The following CLVS2 variants were observed in gnomAD, a reference collection of about 807,000 sequenced individuals.
CLVS2 encodes clavesin-2.
CLVS2 carries 19 observed loss-of-function variants against 29.0 expected under a neutral mutation model. The observed-to-expected ratio is 0.66, with a 90% confidence interval of 0.46 to 0.96. The LOEUF (loss-of-function observed/expected upper bound fraction) is 0.96, where lower values mean the gene tolerates loss of function less well. Ranked by LOEUF, CLVS2 falls within the 40% of genes least tolerant of loss-of-function variation. The pLI is 0.00. For synonymous variants in CLVS2, 161 were observed against 151.3 expected (o/e 1.06, Z -0.47); for missense variants, 294 against 404.1 (o/e 0.73, Z 2.34).
At chr6:123,019,671 C>T (rs905769571) in intron 3 of CLVS2, among the ~76,000 whole-genome samples, 5 of 152,006 alleles carry the variant, frequency 3.3e-5, no homozygotes, top group African/African-American at 1.2e-4. Flanking sequence ...ATTCTGAAGA[C>T]TCTCTCCAGG....
Position 123,059,135 on chromosome 6 carries a change from C to T in CLVS2, c.896+3109C>T, listed in dbSNP as rs118135932. ...AGTCTTCTCTTTTTGCCCTTGTCAC[C>T]GCCACCTGGAATGTTCTTTTCCTTC... On this transcript the variant is annotated intron_variant, in intron 5 of 5. Transcript: ENST00000275162. Among the ~76,000 whole-genome samples the T allele has an allele frequency of 4.0e-3, 615 of 152,176 alleles. 2 individuals are homozygous for T. Among genetic ancestry groups the T allele is most frequent in the Non-Finnish European group, 6.7e-3 (456 of 68,000 alleles).
chr6:123,021,609 G>A (rs1449699523), intron 3 of CLVS2, among the ~76,000 whole-genome samples: 6 of 152,024 alleles, frequency 3.9e-5, no homozygotes, highest in Non-Finnish European at 7.4e-5. Flanking sequence ...GCAGTTGTAA[G>A]TAATAATGCA....
chr6:123,004,675 G>A (rs1329849262), intron 2 of CLVS2, among the ~76,000 whole-genome samples: 1 of 152,198 alleles, frequency 6.6e-6, no homozygotes, highest in East Asian at 1.9e-4. Context: ...CACTTTGGGA[G>A]GCCAAGGCGT....
intron 3 of CLVS2, among the ~76,000 whole-genome samples, chr6:123,017,598 T>C (rs1308992302): frequency 1.3e-5 from 2 of 152,132 alleles, no homozygotes; most frequent in African/African-American, 2.4e-5. Flanking sequence ...AACCCTAAAG[T>C]TGCTTTATTT....
Position 123,064,991 on chromosome 6 carries a change from A to T in CLVS2, c.*1230A>T, listed in dbSNP as rs1407529982. The T allele has an allele frequency of 2.0e-5, 3 of 151,830 alleles. No homozygotes were observed. Among genetic ancestry groups the T allele is most frequent in the Admixed American group, 2.0e-4 (3 of 15,202 alleles). 9.4% of individuals were successfully genotyped at this position (151,830 alleles called of 1,614,324 possible). ...GGTAGCATCAGGTGACAGAAAGCCA[A>T]TTTTATTTTCAAATTTAAGTTAATT... On this transcript the variant is annotated 3_prime_UTR_variant, in exon 6 of 6. Transcript: ENST00000275162.
intron 4 of CLVS2, 72 bp from the exon 5 acceptor site, chr6:123,055,734 C>T (rs1213514606): frequency 2.8e-6 from 3 of 1,069,704 alleles, no homozygotes; most frequent in South Asian, 2.6e-5. Flanking sequence ...CCTCACATCC[C>T]CCCTGTAGGA....
chr6:123,057,546 A>G (rs1420751184), intron 5 of CLVS2, among the ~76,000 whole-genome samples: 1 of 151,768 alleles, frequency 6.6e-6, no homozygotes, highest in Non-Finnish European at 1.5e-5. Context: ...GGGTTTCACC[A>G]TCTTGTCCAG....
intron 2 of CLVS2, among the ~76,000 whole-genome samples, chr6:123,002,870 T>A (rs1774611022): frequency 6.6e-6 from 1 of 152,202 alleles, no homozygotes; most frequent in South Asian, 2.1e-4. Flanking sequence ...GGCTTTGCCA[T>A]CTTTTGGGTG....
At chr6:123,019,544 T>C (rs1439968705) in intron 3 of CLVS2, among the ~76,000 whole-genome samples, 2 of 152,032 alleles carry the variant, frequency 1.3e-5, no homozygotes, top group Non-Finnish European at 2.9e-5. Flanking sequence ...CTATAACAAA[T>C]GCAATACACC....
chr6:123,014,529 A>G (rs1225124529), intron 3 of CLVS2, among the ~76,000 whole-genome samples: 1 of 152,108 alleles, frequency 6.6e-6, no homozygotes, highest in Non-Finnish European at 1.5e-5. Flanking sequence ...CAACCCTGCC[A>G]TGCATCAAAT....
At chr6:123,007,828 T>G (rs1459912864) in intron 2 of CLVS2, among the ~76,000 whole-genome samples, 1 of 152,178 alleles carries the variant, frequency 6.6e-6, no homozygotes, top group East Asian at 1.9e-4. Flanking sequence ...TAGCTTTCTT[T>G]CAGCATACAA....
chr6:123,036,706 T>G (rs1775159306), intron 3 of CLVS2, among the ~76,000 whole-genome samples: 1 of 152,322 alleles, frequency 6.6e-6, no homozygotes. Flanking sequence ...AGGGGCTGCC[T>G]ACATGCTGAG....
intron 3 of CLVS2, among the ~76,000 whole-genome samples, chr6:123,038,311 C>A (rs1775182698): frequency 6.6e-6 from 1 of 152,126 alleles, no homozygotes; most frequent in African/African-American, 2.4e-5. Flanking sequence ...TTATTCTCTA[C>A]CAGAATATAA....
rs1418483109 is a variant in CLVS2 at position 123,065,285 on chromosome 6, G to A, written c.*1524G>A. ...TTGAGATTGAGAGTTTACCATTAAA[G>A]TATTCTTTTGGAAGAAAAATATCTC... is the stretch of plus-strand genomic sequence containing the variant. On this transcript the variant is annotated 3_prime_UTR_variant, in exon 6 of 6. Coordinates refer to ENST00000275162, the MANE Select transcript of CLVS2 (RefSeq NM_001010852.4). The A allele has an allele frequency of 6.6e-6, 1 of 151,680 alleles. No homozygotes were observed. The highest frequency in any genetic ancestry group is 1.5e-5 in the Non-Finnish European group (1 of 67,782). The allele number at this position is 151,680 out of a possible 1,614,324, so 9.4% of individuals were successfully genotyped here.
At chr6:123,010,637 T>C in intron 2 of CLVS2, among the ~76,000 whole-genome samples, 1 of 152,028 alleles carries the variant, frequency 6.6e-6, no homozygotes, top group East Asian at 1.9e-4. Context: ...ATATGAAATG[T>C]CAATATTACT....
chr6:123,041,216 C>A (rs1775228098), intron 3 of CLVS2, among the ~76,000 whole-genome samples: 1 of 152,148 alleles, frequency 6.6e-6, no homozygotes, highest in Middle Eastern at 3.4e-3. Context: ...AAAATTCCTT[C>A]CAGTCATCTT....
intron 2 of CLVS2, 129 bp from the exon 3 acceptor site, chr6:123,010,856 T>A: frequency 1.8e-6 from 1 of 555,980 alleles, no homozygotes; most frequent in Non-Finnish European, 2.9e-6. Flanking sequence ...AATAGGTTTT[T>A]AAACAAAATT....
Position 123,070,258 on chromosome 6 carries a change from T to TCTCA in CLVS2, c.*6500_*6503dup, listed in dbSNP as rs1256181165. On this transcript the variant is annotated 3_prime_UTR_variant, in exon 6 of 6. Transcript: ENST00000275162. ...CCCTGCTTCCCCTTTAGCCTTCTCA[T>TCTCA]CTCACTATGTGTCGACCCCAATCTT... 6.6e-6 allele frequency: 1 copy of TCTCA among 151,894 alleles called. No individual in the cohort carries two copies. The highest frequency in any genetic ancestry group is 6.6e-5 in the Admixed American group (1 of 15,208). 9.4% of individuals were successfully genotyped at this position (151,894 alleles called of 1,614,324 possible). A position where few individuals can be genotyped will look rare whatever the true frequency, so the allele number is the denominator to read the frequency against.
chr6:123,040,643 A>G (rs1023645920), intron 3 of CLVS2, among the ~76,000 whole-genome samples: 5 of 152,128 alleles, frequency 3.3e-5, no homozygotes, highest in Admixed American at 6.5e-5. Flanking sequence ...AAATACAAAA[A>G]TTAGCTGGGC....
Sources: gnomAD v4.1 joint callset for allele counts (sites outside exome capture counted in the v4.1 genomes callset) on GRCh38, gnomAD v4.1.1 for gene constraint, MANE v1.5 for transcripts, NCBI Gene and HGNC (gene_info 2026-07-23, HGNC 2026-07-21) for gene names.